CSMD1: variants seen among roughly 807,000 people sequenced by gnomAD.
CSMD1 encodes CUB and Sushi multiple domains 1, also known as CUB and sushi domain-containing protein 1.
In CSMD1, 213 loss-of-function variants were observed where a neutral mutation model predicts 417.5. That is an observed-to-expected ratio of 0.51 (90% CI 0.46 to 0.57). The LOEUF (loss-of-function observed/expected upper bound fraction) is 0.57, where lower values mean the gene tolerates loss of function less well. CSMD1 is among the 20% of genes least tolerant of loss of function. The probability of loss-of-function intolerance (pLI) is 0.00; values close to 1 mark genes in which losing one functional copy is unlikely to be tolerated. For missense variants in CSMD1, 6,923 were observed against 4,529.7 expected (o/e 1.53, Z -15.17); for synonymous variants, 2,862 against 1,736.8 (o/e 1.65, Z -16.11).
intron 18 of CSMD1, among the ~76,000 whole-genome samples, chr8:3,374,895 C>A (rs1238224081): frequency 6.6e-6 from 1 of 152,164 alleles, no homozygotes; most frequent in African/African-American, 2.4e-5. Flanking sequence ...TTTGCAGAGT[C>A]AGTTATTGTT....
chr8:4,822,857 G>T (rs1799598264), intron 1 of CSMD1, among the ~76,000 whole-genome samples: 1 of 152,082 alleles, frequency 6.6e-6, no homozygotes, highest in Non-Finnish European at 1.5e-5. Flanking sequence ...TTCTCCGTCA[G>T]ATTGTCTTTT....
At chr8:3,303,341 C>T (rs946758377) in intron 25 of CSMD1, among the ~76,000 whole-genome samples, 1 of 152,142 alleles carries the variant, frequency 6.6e-6, no homozygotes, top group Non-Finnish European at 1.5e-5. Flanking sequence ...TGCAATTTCA[C>T]TCTAATCTCT....
At chr8:4,140,402 G>A (rs916843470) in intron 3 of CSMD1, among the ~76,000 whole-genome samples, 2 of 150,952 alleles carry the variant, frequency 1.3e-5, no homozygotes, top group South Asian at 4.1e-4. Context: ...GGAGCCTGAA[G>A]CAGGAGAATT....
At chr8:4,323,817 C>T (rs1799405295) in intron 3 of CSMD1, among the ~76,000 whole-genome samples, 1 of 152,130 alleles carries the variant, frequency 6.6e-6, no homozygotes, top group Admixed American at 6.6e-5. Context: ...ATGGGCAGCT[C>T]CTAATAACCT....
intron 26 of CSMD1, among the ~76,000 whole-genome samples, chr8:3,258,602 A>G (rs989634618): frequency 1.3e-5 from 2 of 152,206 alleles, no homozygotes; most frequent in African/African-American, 2.4e-5. Flanking sequence ...GTATATGCCC[A>G]AGGGAATAAA....
chr8:3,685,852 T>G (rs908229068), intron 7 of CSMD1, among the ~76,000 whole-genome samples: 3 of 152,150 alleles, frequency 2.0e-5, no homozygotes, highest in Non-Finnish European at 4.4e-5. Context: ...AATAATCACA[T>G]CATGGAGAAT....
intron 5 of CSMD1, among the ~76,000 whole-genome samples, chr8:3,843,909 C>G (rs888243575): frequency 5.9e-5 from 9 of 152,128 alleles, no homozygotes; most frequent in Non-Finnish European, 1.0e-4. Context: ...TTACACCCAG[C>G]AGAACTTTCC....
chr8:4,256,260 C>G (rs148261189), intron 3 of CSMD1, among the ~76,000 whole-genome samples: 217 of 152,262 alleles, frequency 1.4e-3, no homozygotes, highest in Admixed American at 2.3e-3. Flanking sequence ...CTTTGAGTCC[C>G]TTAACAGAGG....
chr8:4,804,608 G>A (rs1213254432), intron 1 of CSMD1, among the ~76,000 whole-genome samples: 3 of 151,956 alleles, frequency 2.0e-5, no homozygotes, highest in Non-Finnish European at 4.4e-5. Flanking sequence ...AAGTACGAAG[G>A]AAGACAGGGG....
At chr8:4,563,479 C>T (rs1169132464) in intron 2 of CSMD1, among the ~76,000 whole-genome samples, 1 of 152,138 alleles carries the variant, frequency 6.6e-6, no homozygotes, top group East Asian at 1.9e-4. Context: ...GGCACAGGCT[C>T]TCCCGTTCAG....
chr8:3,400,448 T>G (rs998865923), intron 15 of CSMD1, among the ~76,000 whole-genome samples: 2 of 152,096 alleles, frequency 1.3e-5, no homozygotes, highest in East Asian at 3.8e-4. Context: ...TTTATATCAT[T>G]TTAGCCATGT....
intron 5 of CSMD1, among the ~76,000 whole-genome samples, chr8:3,878,150 C>A (rs1371197561): frequency 6.6e-6 from 1 of 152,040 alleles, no homozygotes; most frequent in Non-Finnish European, 1.5e-5. Flanking sequence ...TGTCTTTGTA[C>A]ATTTTTTGCA....
chr8:3,859,814 G>T (rs1039496398), intron 5 of CSMD1, among the ~76,000 whole-genome samples: 1 of 152,286 alleles, frequency 6.6e-6, no homozygotes, highest in African/African-American at 2.4e-5. Context: ...ATTCCGCAGG[G>T]AACAGGCAGG....
In CSMD1 at chr8:3,832,566, C is replaced by G. The variant is rs574061786; in HGVS notation, c.819-78524G>C. ...GTATATGTCTGAAGCAAAATCATTTCAAGACGTAAAAAAACAAAAACAGAA... is the reference window on the plus strand; with the variant it reads ...GTATATGTCTGAAGCAAAATCATTTGAAGACGTAAAAAAACAAAAACAGAA... On this transcript the variant is annotated intron_variant, in intron 5 of 69. Transcript: ENST00000635120. Among the ~76,000 whole-genome samples, 6 of 152,090 alleles carry G rather than the reference C, an allele frequency of 3.9e-5. No homozygotes were observed. The East Asian group carries it at 1.2e-3, about 29-fold the overall frequency.
intron 1 of CSMD1, among the ~76,000 whole-genome samples, chr8:4,861,823 T>C (rs558914517): frequency 3.9e-5 from 6 of 152,194 alleles, no homozygotes; most frequent in South Asian, 4.1e-4. Flanking sequence ...GAATTATGTA[T>C]TGATTTCATA....
At chr8:4,196,293 G>A (rs769964041) in intron 3 of CSMD1, among the ~76,000 whole-genome samples, 7 of 152,174 alleles carry the variant, frequency 4.6e-5, no homozygotes, top group Admixed American at 2.0e-4. Context: ...TTTACAGAGC[G>A]CTCATTTGTT....
chr8:4,277,866 G>C (rs756968932), intron 3 of CSMD1, among the ~76,000 whole-genome samples: 1 of 152,136 alleles, frequency 6.6e-6, no homozygotes, highest in African/African-American at 2.4e-5. Flanking sequence ...TCCTGCCTCA[G>C]CCTCCCGAGT....
intron 7 of CSMD1, among the ~76,000 whole-genome samples, chr8:3,665,280 A>G (rs1437986081): frequency 6.6e-6 from 1 of 152,200 alleles, no homozygotes; most frequent in Non-Finnish European, 1.5e-5. Flanking sequence ...CTGTAATCCC[A>G]GCACTTTAGG....
chr8:3,725,503 T>C (rs1182710790), intron 6 of CSMD1, among the ~76,000 whole-genome samples: 1 of 152,102 alleles, frequency 6.6e-6, no homozygotes, highest in African/African-American at 2.4e-5. Context: ...GATATGAATG[T>C]GTATGTGTGT....
Sources: gnomAD v4.1 joint callset for allele counts (sites outside exome capture counted in the v4.1 genomes callset) on GRCh38, gnomAD v4.1.1 for gene constraint, MANE v1.5 for transcripts, NCBI Gene and HGNC (gene_info 2026-07-23, HGNC 2026-07-21) for gene names.